NDC80: variants seen among roughly 807,000 people sequenced by gnomAD.
NDC80 encodes kinetochore protein NDC80 homolog.
NDC80 carries 69 observed loss-of-function variants against 89.3 expected under a neutral mutation model. That is an observed-to-expected ratio of 0.77 (90% CI 0.64 to 0.94). NDC80 has a LOEUF of 0.94. Ranked by LOEUF, NDC80 falls within the 40% of genes least tolerant of loss-of-function variation. The probability of loss-of-function intolerance (pLI) is 0.00; values close to 1 mark genes in which losing one functional copy is unlikely to be tolerated. For missense variants in NDC80, 593 were observed against 739.6 expected (o/e 0.80, Z 2.30); for synonymous variants, 243 against 255.6 (o/e 0.95, Z 0.47).
intron 16 of NDC80, among the ~76,000 whole-genome samples, chr18:2,611,820 A>G (rs1336890508): frequency 6.6e-6 from 1 of 152,030 alleles, no homozygotes; most frequent in African/African-American, 2.4e-5. Context: ...AAACATGAGC[A>G]TGTGATACCC....
rs772072619 is a variant in NDC80 at position 2,572,563 on chromosome 18, A to C, written c.-9-414A>C. Among the ~76,000 whole-genome samples the C allele has an allele frequency of 4.8e-4, 73 of 152,344 alleles. 1 individual carries two copies. The highest frequency in any genetic ancestry group is 6.8e-3 in the Middle Eastern group (2 of 294). The stretch of plus-strand genomic sequence containing the variant: ...AAAGAAAAGGAAACATTTTGAGGTG[A>C]ATAAGAGAATTTGAGGTAATTTTTT... On this transcript the variant is annotated intron_variant, in intron 1 of 16. Transcript: ENST00000261597.
chr18:2,582,078 GTTTGTTTGTTT>G (rs974092801), intron 6 of NDC80: 1 of 152,380 alleles, frequency 6.6e-6, no homozygotes, highest in African/African-American at 2.4e-5. Flanking sequence ...TTGTTTGTTT[GTTTGTTTGTTT>G]GTTTTGAAAC....
intron 10 of NDC80, among the ~76,000 whole-genome samples, chr18:2,593,342 A>G (rs563678324): frequency 6.6e-6 from 1 of 152,254 alleles, no homozygotes; most frequent in Non-Finnish European, 1.5e-5. Context: ...TTCACATAGT[A>G]TAAATTATAT....
At chr18:2,600,044 A>G (rs2072676656) in intron 12 of NDC80, among the ~76,000 whole-genome samples, 1 of 152,198 alleles carries the variant, frequency 6.6e-6, no homozygotes, top group Non-Finnish European at 1.5e-5. Context: ...TCCAGTAAAC[A>G]TTTAGTCTAT....
Position 2,578,147 on chromosome 18 carries a change from T to C in NDC80, c.476+6T>C. 1.2e-6 allele frequency: 2 copies of C among 1,609,486 alleles called. No individual in the cohort carries two copies. The highest frequency in any genetic ancestry group is 1.7e-6 in the Non-Finnish European group (2 of 1,177,990). The stretch of plus-strand genomic sequence containing the variant: ...AGAATCTTTAAAGACCTTGGGTATG[T>C]ATATTTCTTATTAGTTTAGAGACAT... On this transcript the variant is annotated splice_donor_region_variant and intron_variant, in intron 5 of 16. Transcript: ENST00000261597.
chr18:2,575,787 C>T (rs1360279022), intron 3 of NDC80, among the ~76,000 whole-genome samples: 1 of 152,012 alleles, frequency 6.6e-6, no homozygotes, highest in African/African-American at 2.4e-5. Flanking sequence ...TAGCCGGGGG[C>T]AGTGGCACAT....
Position 2,595,490 on chromosome 18 carries a change from G to T in NDC80, c.1090G>T (p.Ala364Ser), listed in dbSNP as rs1236484108. 1.2e-6 allele frequency: 2 copies of T among 1,613,744 alleles called. No individual in the cohort carries two copies. The highest frequency in any genetic ancestry group is 8.5e-7 in the Non-Finnish European group (1 of 1,179,724). Residue 364 changes from alanine (A) to serine (S), a missense_variant, in exon 11 of 17, where the codon GCA becomes TCA. Ala to Ser is a moderately conservative substitution (Grantham distance 99). Transcript: ENST00000261597. Reference protein sequence around the residue: ...NIIDNQKYSVADIERINHERN... With the variant: ...NIIDNQKYSVSDIERINHERN... ...CATTGACAACCAGAAGTACTCAGTT[G>T]CAGACATTGAGCGAATAAATCATGA...
chr18:2,595,208 G>A (rs954762437), intron 10 of NDC80, among the ~76,000 whole-genome samples: 4 of 124,646 alleles, frequency 3.2e-5, no homozygotes, highest in South Asian at 2.9e-4. Context: ...ACATACATAT[G>A]TATATATATG....
At chr18:2,595,308 C>G in intron 10 of NDC80, 108 bp from the exon 11 acceptor site, 1 of 467,524 alleles carries the variant, frequency 2.1e-6, no homozygotes, top group Non-Finnish European at 3.9e-6. Context: ...TATATACACA[C>G]ATATATATGA....
chr18:2,574,206 G>A (rs1471372982), intron 2 of NDC80, among the ~76,000 whole-genome samples: 2 of 152,110 alleles, frequency 1.3e-5, no homozygotes, highest in Non-Finnish European at 2.9e-5. Context: ...GGATGCTAGA[G>A]GCTAGGAAGC....
intron 6 of NDC80, among the ~76,000 whole-genome samples, chr18:2,584,229 A>G (rs1265619405): frequency 6.6e-6 from 1 of 151,614 alleles, no homozygotes; most frequent in East Asian, 1.9e-4. Context: ...CAGAGGTTGC[A>G]GTGAGCTGAG....
Position 2,606,456 on chromosome 18 carries a change from T to A in NDC80, c.1506T>A (p.Thr502=). ...MITESKRSVR[T]LKEEVQKLDD... ...CAGAAAGCAAGAGAAGTGTGAGAACTCTGAAAGAAGAAGTTCAAAAGCTGG... is the reference window on the plus strand; with the variant it reads ...CAGAAAGCAAGAGAAGTGTGAGAACACTGAAAGAAGAAGTTCAAAAGCTGG... The change falls in exon 14 of 17, where the codon ACT becomes ACA. Residue 502 remains threonine, a synonymous_variant. Coordinates refer to ENST00000261597, the MANE Select transcript of NDC80 (RefSeq NM_006101.3). 1.9e-6 allele frequency: 3 copies of A among 1,604,686 alleles called. No homozygotes were observed. Among genetic ancestry groups the A allele is most frequent in the Non-Finnish European group, 2.6e-6 (3 of 1,175,166 alleles).
At chr18:2,583,457 T>C (rs1430775782) in intron 6 of NDC80, among the ~76,000 whole-genome samples, 1 of 152,114 alleles carries the variant, frequency 6.6e-6, no homozygotes, top group Non-Finnish European at 1.5e-5. Context: ...TCCCAACACT[T>C]TGGGAGGCCA....
At chr18:2,614,453 A>AGAGAGAGAGAGAGAGAG (rs1194290545) in intron 16 of NDC80, 3 of 5,904 alleles carry the variant, frequency 5.1e-4, no homozygotes, top group Admixed American at 3.4e-3. Context: ...GAAAGAAAGA[A>AGAGAGAGAGAGAGAGAG]AGAAAGAAAG....
chr18:2,608,599 C>T, intron 14 of NDC80, 101 bp from the exon 15 acceptor site: 1 of 1,263,342 alleles, frequency 7.9e-7, no homozygotes, highest in Non-Finnish European at 1.1e-6. Flanking sequence ...AATGATGCAA[C>T]CTGATTTTAT....
intron 12 of NDC80, among the ~76,000 whole-genome samples, chr18:2,599,427 G>T (rs929218833): frequency 2.9e-4 from 44 of 152,084 alleles, no homozygotes; most frequent in Non-Finnish European, 3.5e-4. Flanking sequence ...CCCCCCAGAG[G>T]AGAAAGACAT....
chr18:2,608,747 G>A lies in NDC80; in HGVS notation c.1605G>A (p.Leu535=), dbSNP rs756648045. 3.7e-5 allele frequency: 60 copies of A among 1,613,072 alleles called. No individual in the cohort carries two copies. Among genetic ancestry groups the A allele is most frequent in the Non-Finnish European group, 4.9e-5 (58 of 1,179,238 alleles). The change falls in exon 15 of 17, where the codon TTG becomes TTA. Residue 535 remains leucine (L), a synonymous_variant. Transcript: ENST00000261597. ...DEKCASELES[L]EKHKHLLEST... ...AATGTGCCAGTGAGCTTGAGTCCTT[G>A]GAGAAACACAAGCACCTGCTAGAAA...
chr18:2,605,730 A>C (rs1454986112), intron 13 of NDC80, among the ~76,000 whole-genome samples: 5 of 152,050 alleles, frequency 3.3e-5, no homozygotes, highest in Non-Finnish European at 2.9e-5. Flanking sequence ...TTTAAAAAAA[A>C]GTCAGCTATT....
intron 16 of NDC80, chr18:2,615,323 A>G (rs1331074071): frequency 1.3e-5 from 2 of 152,266 alleles, no homozygotes; most frequent in African/African-American, 4.8e-5. Flanking sequence ...AGGTTAGTCT[A>G]AAATGGGTCC....
Sources: gnomAD v4.1 joint callset for allele counts (sites outside exome capture counted in the v4.1 genomes callset) on GRCh38, gnomAD v4.1.1 for gene constraint, MANE v1.5 for transcripts, NCBI Gene and HGNC (gene_info 2026-07-23, HGNC 2026-07-21) for gene names.